NALCN: variants seen among roughly 807,000 people sequenced by gnomAD.
NALCN encodes sodium leak channel NALCN.
A neutral mutation model predicts 225.3 loss-of-function variants in NALCN; 111 were observed. The observed-to-expected ratio is 0.49, with a 90% CI of 0.42 to 0.58. NALCN has a LOEUF of 0.58. NALCN is among the 20% of genes least tolerant of loss of function. The pLI is 0.00. For missense variants in NALCN, 1,378 were observed against 2,202.4 expected, an observed-to-expected ratio of 0.63 and a Z score of 7.49; for synonymous variants, 764 against 769.0, an observed-to-expected ratio of 0.99 and a Z score of 0.11.
At chr13:101,278,350 C>T (rs770661940) in intron 10 of NALCN, among the ~76,000 whole-genome samples, 4 of 151,814 alleles carry the variant, frequency 2.6e-5, no homozygotes, top group Admixed American at 6.6e-5. Context: ...TGGTGAAACC[C>T]GGTTTCTACT....
Position 101,107,515 on chromosome 13 carries a change from G to T in NALCN, c.2551C>A (p.Arg851=). The T allele has an allele frequency of 1.2e-6, 2 of 1,614,050 alleles. No homozygotes were observed. Among genetic ancestry groups the T allele is most frequent in the Non-Finnish European group, 1.7e-6 (2 of 1,179,968 alleles). Residue 851 remains arginine, a synonymous_variant, in exon 22 of 44, where the codon CGG becomes AGG. Transcript: ENST00000251127. ...GREHRFRNFC[R]VVVRARFNAS... ...TTGAAGCGTGCTCGGACCACCACCC[G>T]GCAAAAGTTTCTGAACCTGTGTTCT...
intron 15 of NALCN, among the ~76,000 whole-genome samples, chr13:101,155,021 T>A (rs1001862732): frequency 2.6e-5 from 4 of 152,216 alleles, no homozygotes; most frequent in African/African-American, 9.6e-5. Flanking sequence ...GCTACACAGA[T>A]GTACATATCT....
chr13:101,352,876 C>G (rs960283695), intron 6 of NALCN, among the ~76,000 whole-genome samples: 4 of 152,124 alleles, frequency 2.6e-5, no homozygotes, highest in African/African-American at 9.7e-5. Context: ...TTCTTGGTAT[C>G]GAAATTTGAC....
chr13:101,071,085 A>T (rs979947710), intron 37 of NALCN, among the ~76,000 whole-genome samples: 49 of 152,286 alleles, frequency 3.2e-4, no homozygotes, highest in African/African-American at 1.2e-3. Context: ...CACCCCCATG[A>T]TTCAATTATC....
intron 17 of NALCN, among the ~76,000 whole-genome samples, chr13:101,135,227 G>C (rs887041386): frequency 6.6e-6 from 1 of 152,032 alleles, no homozygotes; most frequent in Non-Finnish European, 1.5e-5. Context: ...ATAAATATAC[G>C]CTAGATAGAT....
chr13:101,255,444 T>C (rs546575670), intron 11 of NALCN, among the ~76,000 whole-genome samples: 1 of 114,574 alleles, frequency 8.7e-6, no homozygotes, highest in Admixed American at 8.5e-5. Context: ...TGTGACCACC[T>C]GCCCACCCTG....
chr13:101,186,567 T>G (rs1411454541), intron 14 of NALCN, among the ~76,000 whole-genome samples: 2 of 152,188 alleles, frequency 1.3e-5, no homozygotes, highest in East Asian at 3.8e-4. Flanking sequence ...AGACTTTTTT[T>G]GGGTAGTATA....
At chr13:101,280,429 T>A (rs1366030700) in intron 10 of NALCN, among the ~76,000 whole-genome samples, 1 of 152,218 alleles carries the variant, frequency 6.6e-6, no homozygotes, top group African/African-American at 2.4e-5. Context: ...AATCTTTATT[T>A]TACTATCTCC....
intron 1 of NALCN, among the ~76,000 whole-genome samples, chr13:101,414,230 A>C (rs1033082289): frequency 1.3e-5 from 2 of 152,096 alleles, no homozygotes; most frequent in African/African-American, 4.8e-5. Context: ...CATAGTTTCC[A>C]CAGCAAAACT....
intron 10 of NALCN, among the ~76,000 whole-genome samples, chr13:101,278,663 ACAG>A (rs2043045467): frequency 6.6e-6 from 1 of 152,202 alleles, no homozygotes; most frequent in Admixed American, 6.5e-5. Flanking sequence ...GTGAAACATA[ACAG>A]AAGTCAGGGT....
chr13:101,227,346 C>T (rs1468369046), intron 13 of NALCN, among the ~76,000 whole-genome samples: 1 of 152,130 alleles, frequency 6.6e-6, no homozygotes, highest in Non-Finnish European at 1.5e-5. Context: ...AAAGCAATAA[C>T]TCAAGCATAC....
intron 10 of NALCN, among the ~76,000 whole-genome samples, chr13:101,278,069 A>G (rs553493586): frequency 2.0e-4 from 30 of 152,224 alleles, no homozygotes; most frequent in Non-Finnish European, 3.8e-4. Context: ...CAAAATCAAC[A>G]GTTCCCAGTA....
Position 101,415,208 on chromosome 13 carries a change from C to CATATATATATATATATATATAT in NALCN, c.-40+1104_-40+1105insATATATATATATATATATATAT, listed in dbSNP as rs1030463057. ...TAGTTATGAACATACAAATCACACA[C>CATATATATATATATATATATAT]ATATATATATATATATACATACATA... On this transcript the variant is annotated intron_variant, in intron 1 of 43. Transcript: ENST00000251127. Among the ~76,000 whole-genome samples, 425 of 107,716 alleles carry CATATATATATATATATATATAT rather than the reference C, an allele frequency of 3.9e-3. 5 individuals are homozygous for CATATATATATATATATATATAT. The highest frequency in any genetic ancestry group is 7.9e-3 in the Admixed American group (92 of 11,624). 70.7% of individuals were successfully genotyped at this position (107,716 alleles called of 152,430 possible).
In NALCN at chr13:101,233,920, C is replaced by T. The variant is rs374622169; in HGVS notation, c.1434+3835G>A. On this transcript the variant is annotated intron_variant, in intron 12 of 43. Coordinates refer to ENST00000251127, the MANE Select transcript of NALCN (RefSeq NM_052867.4). ...CCCTGCATTGGTTGCAGCCCAGCCACGCTGGCCTTTGTGCTATTCCTTGAA... is the reference window on the plus strand; with the variant it reads ...CCCTGCATTGGTTGCAGCCCAGCCATGCTGGCCTTTGTGCTATTCCTTGAA... 5.9e-5 allele frequency among the ~76,000 whole-genome samples: 9 copies of T among 152,276 alleles called. No individual in the cohort carries two copies. In the East Asian group the frequency reaches 1.7e-3, roughly 29 times the overall value.
chr13:101,268,290 T>C (rs575838707), intron 10 of NALCN, among the ~76,000 whole-genome samples: 40 of 152,276 alleles, frequency 2.6e-4, no homozygotes, highest in African/African-American at 8.4e-4. Flanking sequence ...GTCATGTTGG[T>C]GACTTGAAAT....
intron 7 of NALCN, among the ~76,000 whole-genome samples, chr13:101,328,590 A>G (rs1566581191): frequency 6.6e-6 from 1 of 152,062 alleles, no homozygotes; most frequent in Non-Finnish European, 1.5e-5. Context: ...TTTGTCTCCT[A>G]TTTTTCCCAC....
chr13:101,397,109 T>TACATAC (rs2047328006), intron 2 of NALCN, among the ~76,000 whole-genome samples: 1 of 80,968 alleles, frequency 1.2e-5, no homozygotes, highest in Non-Finnish European at 2.5e-5. Flanking sequence ...TATATATATA[T>TACATAC]ACATACACAT....
chr13:101,322,403 A>G (rs1255410365), intron 7 of NALCN, among the ~76,000 whole-genome samples: 1 of 152,250 alleles, frequency 6.6e-6, no homozygotes, highest in Non-Finnish European at 1.5e-5. Flanking sequence ...GTATAACTTA[A>G]TCAGTATAAA....
At chr13:101,226,719 T>C (rs1177257467) in intron 13 of NALCN, among the ~76,000 whole-genome samples, 1 of 152,136 alleles carries the variant, frequency 6.6e-6, no homozygotes, top group Non-Finnish European at 1.5e-5. Flanking sequence ...CTAGACATGG[T>C]GCATGACCAG....
Sources: allele counts gnomAD v4.1 joint callset (sites outside exome capture counted in the v4.1 genomes callset), GRCh38; gene constraint gnomAD v4.1.1; transcripts MANE v1.5; gene names NCBI Gene and HGNC (gene_info 2026-07-23, HGNC 2026-07-21).